ARHGAP10: variants seen among roughly 807,000 people sequenced by gnomAD.
ARHGAP10 encodes the protein rho GTPase-activating protein 10.
A neutral mutation model predicts 108.6 loss-of-function variants in ARHGAP10; 87 were observed. That is an observed-to-expected ratio of 0.80 (90% CI 0.67 to 0.96). The LOEUF is 0.96. Among genes scored for constraint, ARHGAP10 ranks in the 40% least tolerant of loss-of-function variants. The probability of loss-of-function intolerance (pLI) is 0.00; values close to 1 mark genes in which losing one functional copy is unlikely to be tolerated. For missense variants in ARHGAP10, 939 were observed against 954.5 expected (o/e 0.98, Z 0.21); for synonymous variants, 347 against 341.1 (o/e 1.02, Z -0.19).
intron 1 of ARHGAP10, among the ~76,000 whole-genome samples, chr4:147,790,234 T>C (rs1297020426): frequency 2.0e-5 from 3 of 152,092 alleles, no homozygotes; most frequent in East Asian, 1.9e-4. Flanking sequence ...AGAAAACACA[T>C]GCTTGAGTCT....
At chr4:147,762,234 C>T (rs1729617458) in intron 1 of ARHGAP10, among the ~76,000 whole-genome samples, 1 of 152,158 alleles carries the variant, frequency 6.6e-6, no homozygotes. Context: ...TCTTGAACCC[C>T]TGGCCTCAAG....
intron 19 of ARHGAP10, among the ~76,000 whole-genome samples, chr4:148,045,080 T>C (rs918283345): frequency 6.6e-6 from 1 of 152,196 alleles, no homozygotes; most frequent in African/African-American, 2.4e-5. Flanking sequence ...AACACACTTA[T>C]GAAATAAAGA....
chr4:147,883,734 G>C (rs529615008), intron 10 of ARHGAP10, among the ~76,000 whole-genome samples: 9 of 150,604 alleles, frequency 6.0e-5, no homozygotes, highest in African/African-American at 2.0e-4. Context: ...CACTTTTTTT[G>C]CCCAGGCTGG....
At chr4:147,837,643 G>GTTTTGTTTTTTTTTTTTT (rs1733223419) in intron 3 of ARHGAP10, among the ~76,000 whole-genome samples, 1 of 70,220 alleles carries the variant, frequency 1.4e-5, no homozygotes, top group Admixed American at 2.1e-4. Flanking sequence ...TCTGGTCACT[G>GTTTTGTTTTTTTTTTTTT]TTTTTTTTTT....
At chr4:147,902,983 T>C (rs1736311317) in intron 10 of ARHGAP10, among the ~76,000 whole-genome samples, 1 of 152,070 alleles carries the variant, frequency 6.6e-6, no homozygotes, top group African/African-American at 2.4e-5. Context: ...AGAACTCTCA[T>C]GGAAGCAAAA....
At chr4:147,890,355 G>A (rs1177198961) in intron 10 of ARHGAP10, among the ~76,000 whole-genome samples, 1 of 152,082 alleles carries the variant, frequency 6.6e-6, no homozygotes, top group Non-Finnish European at 1.5e-5. Context: ...TTACCAAAGG[G>A]TTACTTTGAA....
chr4:148,016,869 T>A (rs1274912443), intron 18 of ARHGAP10, among the ~76,000 whole-genome samples: 1 of 151,764 alleles, frequency 6.6e-6, no homozygotes. Context: ...CTCAAACACA[T>A]TTACTGATTT....
chr4:148,013,937 A>G (rs778795417), intron 18 of ARHGAP10, among the ~76,000 whole-genome samples: 3 of 152,110 alleles, frequency 2.0e-5, no homozygotes, highest in Admixed American at 6.5e-5. Flanking sequence ...GGGACTGCCA[A>G]TTTTACATTT....
At chr4:147,783,056 A>G (rs1020181843) in intron 1 of ARHGAP10, among the ~76,000 whole-genome samples, 2 of 141,234 alleles carry the variant, frequency 1.4e-5, no homozygotes, top group Non-Finnish European at 3.0e-5. Flanking sequence ...TATATGTTAA[A>G]TTATATATAT....
chr4:147,766,836 ATATTTATTTATT>A (rs1281281731), intron 1 of ARHGAP10, among the ~76,000 whole-genome samples: 1 of 43,636 alleles, frequency 2.3e-5, no homozygotes, highest in African/African-American at 7.3e-5. Flanking sequence ...ATATATATAT[ATATTTATTTATT>A]TATTTATTTA....
At chr4:147,878,391 G>A (rs545375715) in intron 8 of ARHGAP10, among the ~76,000 whole-genome samples, 1 of 152,244 alleles carries the variant, frequency 6.6e-6, no homozygotes, top group Non-Finnish European at 1.5e-5. Flanking sequence ...CACTGCGCCT[G>A]GCCCATACTT....
At chr4:147,745,702 A>T (rs932880168) in intron 1 of ARHGAP10, among the ~76,000 whole-genome samples, 1 of 151,758 alleles carries the variant, frequency 6.6e-6, no homozygotes, top group African/African-American at 2.4e-5. Flanking sequence ...CGTGTTAGCC[A>T]GGATGGTCTC....
At chr4:148,019,731 C>T (rs1284340348) in intron 18 of ARHGAP10, among the ~76,000 whole-genome samples, 3 of 151,472 alleles carry the variant, frequency 2.0e-5, no homozygotes, top group Admixed American at 2.0e-4. Flanking sequence ...CGCCATTGCA[C>T]TCCAGCCTGG....
At chr4:148,010,428 A>G (rs1045210091) in intron 18 of ARHGAP10, among the ~76,000 whole-genome samples, 6 of 152,200 alleles carry the variant, frequency 3.9e-5, no homozygotes, top group Admixed American at 6.5e-5. Flanking sequence ...AAAACTATCA[A>G]CCTTGTAGGG....
chr4:148,039,123 T>G (rs1446834460), intron 19 of ARHGAP10, among the ~76,000 whole-genome samples: 2 of 152,128 alleles, frequency 1.3e-5, no homozygotes, highest in Non-Finnish European at 2.9e-5. Context: ...TTCTTTTGTC[T>G]TAGATTTTTT....
intron 13 of ARHGAP10, among the ~76,000 whole-genome samples, chr4:147,931,012 CTCTGGT>C (rs1737656191): frequency 6.6e-6 from 1 of 152,160 alleles, no homozygotes; most frequent in Non-Finnish European, 1.5e-5. Flanking sequence ...TGGTCTCTGG[CTCTGGT>C]AACACCATTT....
At chr4:148,047,083 G>A in intron 20 of ARHGAP10, 32 bp downstream of exon 20, 2 of 1,610,374 alleles carry the variant, frequency 1.2e-6, no homozygotes, top group Non-Finnish European at 1.7e-6. Flanking sequence ...GGGTGCTGAA[G>A]GGTGGAAGCC....
Position 148,004,596 on chromosome 4 carries a change from G to A in ARHGAP10, c.1717-18667G>A, listed in dbSNP as rs550593699. On this transcript the variant is annotated intron_variant, in intron 18 of 22. Coordinates refer to ENST00000336498, the MANE Select transcript of ARHGAP10 (RefSeq NM_024605.4). The stretch of plus-strand genomic sequence containing the variant: ...GTGAACTGTCTGTGGAGAGGGCCAC[G>A]TGGCAGGAAACCGCAGGCATCCTCT... Among the ~76,000 whole-genome samples the A allele has an allele frequency of 6.6e-5, 10 of 152,302 alleles. 1 individual carries two copies. The East Asian group carries it at 9.7e-4, about 15-fold the overall frequency.
At chr4:147,831,815 C>T (rs145911372) in intron 3 of ARHGAP10, among the ~76,000 whole-genome samples, 405 of 152,266 alleles carry the variant, frequency 2.7e-3, no homozygotes, top group Admixed American at 4.3e-3. Flanking sequence ...TCAGGAATAA[C>T]TCAAATCAAA....
Sources: gnomAD v4.1 joint callset for allele counts (sites outside exome capture counted in the v4.1 genomes callset) on GRCh38, gnomAD v4.1.1 for gene constraint, MANE v1.5 for transcripts, NCBI Gene and HGNC (gene_info 2026-07-23, HGNC 2026-07-21) for gene names.